The following RPAP3 variants were observed in gnomAD, a reference collection of about 807,000 sequenced individuals.
The protein encoded by RPAP3 is RNA polymerase II associated protein 3.
In RPAP3, 58 loss-of-function variants were observed where a neutral mutation model predicts 88.8. The observed-to-expected ratio is 0.65, with a 90% CI of 0.53 to 0.81. The LOEUF is 0.81. RPAP3 is among the 40% of genes least tolerant of loss of function. The pLI is 0.00. For synonymous variants in RPAP3, 255 were observed against 259.9 expected (o/e 0.98, Z 0.18); for missense variants, 751 against 764.3 (o/e 0.98, Z 0.20).
intron 5 of RPAP3, among the ~76,000 whole-genome samples, chr12:47,694,502 A>C (rs190253775): frequency 1.1e-4 from 16 of 152,330 alleles, no homozygotes; most frequent in African/African-American, 3.8e-4. Context: ...TAAAAAATCA[A>C]GAAGTTGAAA....
intron 12 of RPAP3, among the ~76,000 whole-genome samples, chr12:47,674,051 T>C (rs1285437249): frequency 7.5e-6 from 1 of 133,336 alleles, no homozygotes; most frequent in African/African-American, 2.9e-5. Flanking sequence ...CCCTTATACA[T>C]CAGTAATCCT....
chr12:47,686,713 G>T, intron 9 of RPAP3, 67 bp downstream of exon 9: 1 of 1,247,822 alleles, frequency 8.0e-7, no homozygotes, highest in Non-Finnish European at 1.1e-6. Flanking sequence ...GGTAACTTAT[G>T]GTAAAAATTT....
intron 7 of RPAP3, 147 bp downstream of exon 7, chr12:47,688,977 CA>C: frequency 1.9e-6 from 1 of 519,658 alleles, no homozygotes; most frequent in Non-Finnish European, 3.3e-6. Flanking sequence ...CTCTAGCATG[CA>C]AATTCATTTA....
In RPAP3 at chr12:47,679,697, A is replaced by G. The variant is rs756695979; in HGVS notation, c.1185+7T>C. 6 of 1,594,104 alleles carry G rather than the reference A, an allele frequency of 3.8e-6. No individual in the cohort carries two copies. Among genetic ancestry groups the G allele is most frequent in the Non-Finnish European group, 5.1e-6 (6 of 1,166,010 alleles). On this transcript the variant is annotated splice_region_variant and intron_variant, in intron 11 of 16. Transcript: ENST00000005386. ...ATGACCATGTTTGGGTGAAAAGAAT[A>G]CATTACCTTTTTAATTTTGGAGAGT...
Position 47,696,137 on chromosome 12 carries a change from G to T in RPAP3, c.545+139C>A, listed in dbSNP as rs374718510. ...AAAATAATTCAATAAAAAGGAGTGA[G>T]CTATAAGAATTTACAGTTGAAAAGA... On this transcript the variant is annotated intron_variant, in intron 5 of 16. Transcript: ENST00000005386. The T allele has an allele frequency of 9.4e-4, 616 of 657,648 alleles. 12 individuals are homozygous for T. The South Asian group carries it at 0.028, about 30-fold the overall frequency. The allele number at this position is 657,648 out of a possible 1,614,324, so 40.7% of individuals were successfully genotyped here.
In RPAP3 at chr12:47,662,695, CCTAA is replaced by C. The variant is rs1938785181; in HGVS notation, c.*806_*809del. On this transcript the variant is annotated 3_prime_UTR_variant, in exon 17 of 17. Coordinates refer to ENST00000005386, the MANE Select transcript of RPAP3 (RefSeq NM_024604.3). ...AAATTTTATAAGTATCAGTTGAGCA[CCTAA>C]CTATGTGCAAACGTCTGTGCTAGGT... The C allele has an allele frequency of 6.6e-6, 1 of 152,278 alleles. No homozygotes were observed. The highest frequency in any genetic ancestry group is 2.1e-4 in the South Asian group (1 of 4,832). The allele number at this position is 152,278 out of a possible 1,614,324, so 9.4% of individuals were successfully genotyped here.
At position 47,679,700 on chromosome 12, in the gene RPAP3, T is replaced by C. The variant is rs754314138; in HGVS notation, c.1185+4A>G. 3.8e-6 allele frequency: 6 copies of C among 1,597,270 alleles called. No individual in the cohort carries two copies. Among genetic ancestry groups the C allele is most frequent in the Middle Eastern group, 1.7e-4 (1 of 6,006 alleles). On this transcript the variant is annotated splice_donor_region_variant and intron_variant, in intron 11 of 16. Transcript: ENST00000005386. ...ACCATGTTTGGGTGAAAAGAATACA[T>C]TACCTTTTTAATTTTGGAGAGTTCA...
chr12:47,690,772 T>G (rs920370905), intron 5 of RPAP3, 133 bp from the exon 6 acceptor site: 7 of 532,180 alleles, frequency 1.3e-5, no homozygotes, highest in Non-Finnish European at 2.2e-5. Context: ...CCACCTGCTT[T>G]CAGTTAATTA....
In RPAP3 at chr12:47,702,768, T is replaced by G; in HGVS notation, c.73A>C (p.Met25Leu). The G allele has an allele frequency of 6.2e-7, 1 of 1,612,486 alleles. No homozygotes were observed. Among genetic ancestry groups the G allele is most frequent in the Non-Finnish European group, 8.5e-7 (1 of 1,178,710 alleles). The change falls in exon 2 of 17, where the codon ATG becomes CTG. Residue 25 changes from methionine (M) to leucine (L), a missense_variant. Transcript: ENST00000005386. ...KQNAEELQDFMRDLENWEKDI... is the reference protein window; with the variant it reads ...KQNAEELQDFLRDLENWEKDI... ...TTTTCCCAGTTTTCTAAATCCCGCA[T>G]AAAGTCTTGTAATTCTTCTGCATTT...
chr12:47,676,161 A>C (rs1939110974), intron 12 of RPAP3, among the ~76,000 whole-genome samples: 1 of 152,214 alleles, frequency 6.6e-6, no homozygotes, highest in East Asian at 1.9e-4. Context: ...TAACTAACGA[A>C]ATGAAGGCAG....
chr12:47,704,408 G>A (rs1243960176), intron 1 of RPAP3, among the ~76,000 whole-genome samples: 1 of 151,866 alleles, frequency 6.6e-6, no homozygotes, highest in Non-Finnish European at 1.5e-5. Context: ...TTGCTCTGTC[G>A]CCCAGGCTGG....
chr12:47,670,304 C>A lies in RPAP3; in HGVS notation c.1329G>T (p.Leu443Phe), dbSNP rs1228225145. The A allele has an allele frequency of 5.6e-6, 9 of 1,611,196 alleles. No homozygotes were observed. In the East Asian group the frequency reaches 6.7e-5, roughly 12 times the overall value. ...KKVIIEETGN[L>F]IQTIDVPDST... is the part of the protein sequence containing the mutation. ...TATCTGGCACATCAATAGTCTGTAT[C>A]AAATTACCAGTTTCTTCAATAATAA... Residue 443 changes from leucine to phenylalanine, a missense_variant, in exon 13 of 17, where the codon TTG becomes TTT. By Grantham distance (22) the Leu-to-Phe change is conservative (BLOSUM62 0). Transcript: ENST00000005386.
intron 12 of RPAP3, among the ~76,000 whole-genome samples, chr12:47,674,976 A>G (rs1939081121): frequency 6.6e-6 from 1 of 152,190 alleles, no homozygotes. Flanking sequence ...TGAAGGAAAA[A>G]GTGTTAAGGG....
At chr12:47,690,497 T>C (rs1939407717) in intron 6 of RPAP3, 21 bp downstream of exon 6, 2 of 1,584,124 alleles carry the variant, frequency 1.3e-6, no homozygotes, top group Non-Finnish European at 1.7e-6. Flanking sequence ...AAGAATTCTT[T>C]AGAGAGTGAC....
chr12:47,705,583 G>GGTAT (rs1939774295), intron 1 of RPAP3, among the ~76,000 whole-genome samples: 1 of 152,182 alleles, frequency 6.6e-6, no homozygotes, highest in South Asian at 2.1e-4. Context: ...CAGCGCTGGG[G>GGTAT]GTATCACTTT....
rs147884315 is a variant in RPAP3, at chr12:47,667,696, A to G, written c.1811+58T>C. On this transcript the variant is annotated intron_variant, in intron 15 of 16. Transcript: ENST00000005386. The stretch of plus-strand genomic sequence containing the variant: ...TTTAATTAAAATTGCAGTTTCCAAA[A>G]ACCTATCAATAACATTAAGTGAGGA... The G allele has an allele frequency of 8.6e-4, 823 of 961,606 alleles. 3 individuals carry two copies. In the African/African-American group the frequency reaches 0.011, roughly 13 times the overall value. The allele number at this position is 961,606 out of a possible 1,614,324, so 59.6% of individuals were successfully genotyped here. A position where few individuals can be genotyped will look rare whatever the true frequency, so the allele number is the denominator to read the frequency against.
intron 14 of RPAP3, 105 bp from the exon 15 acceptor site, chr12:47,667,956 A>C: frequency 1.4e-6 from 1 of 697,224 alleles, no homozygotes; most frequent in East Asian, 2.9e-5. Context: ...CTACTTTGGG[A>C]GGCCAAGGTG....
At chr12:47,666,891 A>G (rs1938885174) in intron 16 of RPAP3, 89 bp downstream of exon 16, 3 of 525,536 alleles carry the variant, frequency 5.7e-6, no homozygotes, top group South Asian at 2.6e-5. Flanking sequence ...CTTATACACA[A>G]TAAGTAGTCA....
At chr12:47,704,222 G>A (rs995465030) in intron 1 of RPAP3, among the ~76,000 whole-genome samples, 2 of 152,140 alleles carry the variant, frequency 1.3e-5, no homozygotes, top group Admixed American at 6.5e-5. Flanking sequence ...AAAGTAGGCA[G>A]TAGCACCTAG....
Sources: allele counts gnomAD v4.1 joint callset (sites outside exome capture counted in the v4.1 genomes callset), GRCh38; gene constraint gnomAD v4.1.1; transcripts MANE v1.5; gene names NCBI Gene and HGNC (gene_info 2026-07-23, HGNC 2026-07-21).